CAMK2A: variants seen among roughly 807,000 people sequenced by gnomAD.
CAMK2A encodes calcium/calmodulin dependent protein kinase II alpha, also known as calcium/calmodulin-dependent protein kinase type II subunit alpha.
In CAMK2A, 7 loss-of-function variants were observed where a neutral mutation model predicts 79.2. The ratio of observed to expected loss-of-function variants is 0.09; its 90% CI spans 0.05 to 0.17. CAMK2A has a LOEUF of 0.17. CAMK2A is among the 10% of genes least tolerant of loss of function. CAMK2A has a pLI of 1.00. For synonymous variants in CAMK2A, 242 were observed against 251.7 expected (o/e 0.96, Z 0.36); for missense variants, 214 against 646.4 (o/e 0.33, Z 7.25).
At chr5:150,273,416 T>G (rs1372349458) in intron 1 of CAMK2A, among the ~76,000 whole-genome samples, 1 of 152,224 alleles carries the variant, frequency 6.6e-6, no homozygotes, top group Non-Finnish European at 1.5e-5. Context: ...GTCGGGCTCA[T>G]CATGCTGTAA....
At position 150,247,714 on chromosome 5, in the gene CAMK2A, G is replaced by A. The variant is rs561887493; in HGVS notation, c.943+58C>T. ...GGGGCACTCCAATATCTGACAGGACGGTGCCCCCAACGAACTGGTGCAGGG... is the reference window on the plus strand; with the variant it reads ...GGGGCACTCCAATATCTGACAGGACAGTGCCCCCAACGAACTGGTGCAGGG... On this transcript the variant is annotated intron_variant, in intron 12 of 18. Coordinates refer to ENST00000671881, the MANE Select transcript of CAMK2A (RefSeq NM_015981.4). The A allele has an allele frequency of 4.7e-5, 67 of 1,414,168 alleles. 1 individual carries two copies. The African/African-American group carries it at 6.7e-4, about 14-fold the overall frequency. 87.6% of individuals were successfully genotyped at this position (1,414,168 alleles called of 1,614,324 possible).
chr5:150,280,499 A>G (rs1019746150), intron 1 of CAMK2A, among the ~76,000 whole-genome samples: 2 of 151,626 alleles, frequency 1.3e-5, no homozygotes, highest in African/African-American at 4.9e-5. Flanking sequence ...TTTGCTGCCA[A>G]ACTTCCAGAA....
chr5:150,254,055 TTCC>T (rs1755951743), intron 6 of CAMK2A, among the ~76,000 whole-genome samples: 1 of 152,162 alleles, frequency 6.6e-6, no homozygotes, highest in Admixed American at 6.5e-5. Flanking sequence ...ACTTCCTGTT[TTCC>T]TCCTCTAATT....
rs898865289 is a variant in CAMK2A at position 150,289,678 on chromosome 5, C to T, written c.-53G>A. Reference sequence around the variant, plus strand: ...TGGGACTGGGGGACCAGGACTGAGGCGCTGCTGCTCTGCTCCCGAACCTAG... The same window carrying T: ...TGGGACTGGGGGACCAGGACTGAGGTGCTGCTGCTCTGCTCCCGAACCTAG... On this transcript the variant is annotated 5_prime_UTR_variant, in exon 1 of 19. Transcript: ENST00000671881. The T allele has an allele frequency of 1.2e-5, 17 of 1,443,122 alleles. No individual in the cohort carries two copies. The highest frequency in any genetic ancestry group is 3.7e-4 in the Middle Eastern group (2 of 5,404). The allele number at this position is 1,443,122 out of a possible 1,614,324, so 89.4% of individuals were successfully genotyped here.
At position 150,226,744 on chromosome 5, in the gene CAMK2A, A is replaced by AAG. The variant is rs1491265849; in HGVS notation, c.1237+1447_1237+1448insCT. 2.2e-3 allele frequency among the ~76,000 whole-genome samples: 184 copies of AAG among 84,464 alleles called. 4 individuals carry two copies. Among genetic ancestry groups the AAG allele is most frequent in the African/African-American group, 6.2e-3 (146 of 23,526 alleles). 55.4% of individuals were successfully genotyped at this position (84,464 alleles called of 152,430 possible). A position where few individuals can be genotyped will look rare whatever the true frequency, so the allele number is the denominator to read the frequency against. ...AGTGAGACTCAGTCAAAAAAAAAAA[A>AAG]GGGGGGGGGGGGATTTTCCTGAATT... On this transcript the variant is annotated intron_variant, in intron 17 of 18. Coordinates refer to ENST00000671881, the MANE Select transcript of CAMK2A (RefSeq NM_015981.4).
chr5:150,260,712 A>G (rs1756270334), intron 3 of CAMK2A, among the ~76,000 whole-genome samples: 1 of 152,378 alleles, frequency 6.6e-6, no homozygotes, highest in East Asian at 1.9e-4. Flanking sequence ...ATCATATGGT[A>G]GCACGTATCA....
chr5:150,232,201 C>T (rs1416443262), intron 15 of CAMK2A, among the ~76,000 whole-genome samples: 1 of 152,230 alleles, frequency 6.6e-6, no homozygotes. Flanking sequence ...ATTTAAATGA[C>T]TGTCCAGGTC....
chr5:150,253,335 C>T, intron 7 of CAMK2A, 109 bp downstream of exon 7: 1 of 866,482 alleles, frequency 1.2e-6, no homozygotes, highest in Non-Finnish European at 1.9e-6. Flanking sequence ...CCCGGCTGGC[C>T]CAACAGCATC....
chr5:150,263,265 G>A (rs948116480), intron 3 of CAMK2A, among the ~76,000 whole-genome samples: 2 of 152,170 alleles, frequency 1.3e-5, no homozygotes, highest in Admixed American at 6.5e-5. Context: ...AGCTGGGAAT[G>A]AGAGGGAGAG....
chr5:150,221,082 C>T lies in CAMK2A; in HGVS notation c.*1628G>A, dbSNP rs1418861559. 1 of 168,860 alleles carries T rather than the reference C, an allele frequency of 5.9e-6. No individual in the cohort carries two copies. Among genetic ancestry groups the T allele is most frequent in the Non-Finnish European group, 1.3e-5 (1 of 79,484 alleles). 10.5% of individuals were successfully genotyped at this position (168,860 alleles called of 1,614,324 possible). A position where few individuals can be genotyped will look rare whatever the true frequency, so the allele number is the denominator to read the frequency against. On this transcript the variant is annotated 3_prime_UTR_variant, in exon 19 of 19. Transcript: ENST00000671881. The stretch of plus-strand genomic sequence containing the variant: ...AGAGGCCAAAAGCACAGAGAGGCAG[C>T]AACATAATTCCGAGTCGGACACTGA...
At chr5:150,253,633 G>C (rs1755929670) in intron 6 of CAMK2A, 87 bp from the exon 7 acceptor site, 2 of 1,160,432 alleles carry the variant, frequency 1.7e-6, no homozygotes. Context: ...TAGGGGCCTG[G>C]GCTCACAGGA....
upstream of CAMK2A, chr5:150,289,805 C>A (rs564568749): frequency 9.1e-6 from 5 of 546,606 alleles, no homozygotes; most frequent in Non-Finnish European, 1.3e-5. Flanking sequence ...CACAGCCTCG[C>A]GAGCCTTCGT....
chr5:150,266,734 C>A (rs1460050692), intron 2 of CAMK2A, among the ~76,000 whole-genome samples: 1 of 152,220 alleles, frequency 6.6e-6, no homozygotes, highest in African/African-American at 2.4e-5. Context: ...ATAACCACTA[C>A]CTCCACTTGC....
At chr5:150,252,194 A>G (rs905739311) in intron 7 of CAMK2A, 129 bp from the exon 8 acceptor site, 133 of 712,644 alleles carry the variant, frequency 1.9e-4, no homozygotes, top group Non-Finnish European at 3.0e-4. Context: ...CCTGCCCCTC[A>G]GGTGCACTTG....
intron 12 of CAMK2A, among the ~76,000 whole-genome samples, chr5:150,246,143 C>T (rs2114055880): frequency 6.6e-6 from 1 of 152,312 alleles, no homozygotes; most frequent in African/African-American, 2.4e-5. Flanking sequence ...GCCACTGATG[C>T]CCCAGGGGCT....
intron 15 of CAMK2A, among the ~76,000 whole-genome samples, chr5:150,235,980 G>A (rs55728966): frequency 0.027 from 4,158 of 152,204 alleles, 73 homozygotes; most frequent in Non-Finnish European, 0.043. Flanking sequence ...TACATGTGGG[G>A]AAACTGAGGC....
intron 1 of CAMK2A, among the ~76,000 whole-genome samples, chr5:150,288,660 C>A (rs1265499061): frequency 6.6e-6 from 1 of 152,178 alleles, no homozygotes; most frequent in African/African-American, 2.4e-5. Flanking sequence ...TGCTCCTTTG[C>A]CCACAAGGCA....
chr5:150,246,494 T>C (rs1328516330), intron 12 of CAMK2A, among the ~76,000 whole-genome samples: 1 of 152,210 alleles, frequency 6.6e-6, no homozygotes, highest in Non-Finnish European at 1.5e-5. Context: ...AATTTCCTAA[T>C]TTTTAAGTGT....
At chr5:150,229,996 C>A (rs1554119920) in intron 16 of CAMK2A, among the ~76,000 whole-genome samples, 1 of 152,128 alleles carries the variant, frequency 6.6e-6, no homozygotes, top group Non-Finnish European at 1.5e-5. Context: ...CCACCTGCTG[C>A]TCCTGAAAAC....
Sources: allele counts gnomAD v4.1 joint callset (sites outside exome capture counted in the v4.1 genomes callset), GRCh38; gene constraint gnomAD v4.1.1; transcripts MANE v1.5; gene names NCBI Gene and HGNC (gene_info 2026-07-23, HGNC 2026-07-21).